SOX6: variants seen among roughly 807,000 people sequenced by gnomAD.
SOX6 encodes transcription factor SOX-6.
In SOX6, 11 loss-of-function variants were observed where a neutral mutation model predicts 97.8. That is an observed-to-expected ratio of 0.11 (90% CI 0.07 to 0.19). The LOEUF (loss-of-function observed/expected upper bound fraction) is 0.19, where lower values mean the gene tolerates loss of function less well. Ranked by LOEUF, SOX6 falls within the 10% of genes least tolerant of loss-of-function variation. The pLI, the probability that SOX6 is intolerant of heterozygous loss-of-function variation, is 1.00. For missense variants in SOX6, 810 were observed against 1,039.5 expected, an observed-to-expected ratio of 0.78 and a Z score of 3.04; for synonymous variants, 360 against 371.4, an observed-to-expected ratio of 0.97 and a Z score of 0.35.
intron 14 of SOX6, among the ~76,000 whole-genome samples, chr11:15,987,265 A>G (rs1404785443): frequency 7.9e-5 from 12 of 152,226 alleles, no homozygotes. Flanking sequence ...TTTTTCATAC[A>G]TAAACAAATG....
chr11:16,250,954 G>A (rs867734358), intron 3 of SOX6, among the ~76,000 whole-genome samples: 2 of 152,060 alleles, frequency 1.3e-5, no homozygotes, highest in Middle Eastern at 3.3e-3. Context: ...TAAAACCATA[G>A]AGTGTATGGC....
intron 6 of SOX6, among the ~76,000 whole-genome samples, chr11:16,138,875 T>A (rs1226022448): frequency 1.3e-5 from 2 of 152,194 alleles, no homozygotes; most frequent in Admixed American, 1.3e-4. Flanking sequence ...ACAAAGGACA[T>A]GAACTCATCA....
In SOX6 at chr11:16,349,674, GAGGAAGGAAGGA is replaced by G. The variant is rs1296857091; in HGVS notation, c.-5+6408_-5+6419del. Among the ~76,000 whole-genome samples the G allele has an allele frequency of 7.8e-3, 520 of 66,954 alleles. 12 individuals carry two copies. The East Asian group carries it at 0.1, about 13-fold the overall frequency. The allele number at this position is 66,954 out of a possible 152,430, so 43.9% of individuals were successfully genotyped here. On this transcript the variant is annotated intron_variant, in intron 1 of 15. Transcript: ENST00000683767. ...AACAGAAGAAAGAGAGGGAGGGAGGGAGGAAGGAAGGAAGGAAGGAAGGAAGGAAGGAAGGAA... is the reference window on the plus strand; with the variant it reads ...AACAGAAGAAAGAGAGGGAGGGAGGGAGGAAGGAAGGAAGGAAGGAAGGAA...
At chr11:16,720,124 A>G (rs958219896) in intron 2 of SOX6, among the ~76,000 whole-genome samples, 1 of 152,140 alleles carries the variant, frequency 6.6e-6, no homozygotes, top group African/African-American at 2.4e-5. Flanking sequence ...CCACTGTGGA[A>G]GTCAGTGTGG....
intron 9 of SOX6, among the ~76,000 whole-genome samples, chr11:16,080,317 T>C (rs1460877513): frequency 6.6e-6 from 1 of 151,626 alleles, no homozygotes; most frequent in Non-Finnish European, 1.5e-5. Flanking sequence ...TCTTACAAGT[T>C]TCTATGAGAG....
intron 1 of SOX6, chr11:16,402,811 T>C: frequency 3.8e-6 from 6 of 1,569,240 alleles, no homozygotes; most frequent in Non-Finnish European, 5.2e-6. Context: ...TTTCATGTCC[T>C]TGAAGCTCAC....
intron 1 of SOX6, among the ~76,000 whole-genome samples, chr11:16,400,020 G>A (rs1396408121): frequency 6.6e-6 from 1 of 151,378 alleles, no homozygotes; most frequent in Non-Finnish European, 1.5e-5. Context: ...TGAAACTGAA[G>A]AATGTCGAAT....
chr11:16,457,697 T>C (rs1213138822), intron 1 of SOX6, among the ~76,000 whole-genome samples: 1 of 152,040 alleles, frequency 6.6e-6, no homozygotes. Flanking sequence ...ATTTATGCTA[T>C]TTTCTATTAT....
chr11:16,220,231 C>G (rs939283693), intron 4 of SOX6, among the ~76,000 whole-genome samples: 6 of 151,846 alleles, frequency 4.0e-5, no homozygotes, highest in East Asian at 1.9e-4. Context: ...TAACAGGAAG[C>G]CCTCTAAGTT....
chr11:16,674,054 G>A (rs898323186), intron 3 of SOX6, among the ~76,000 whole-genome samples: 1 of 151,984 alleles, frequency 6.6e-6, no homozygotes, highest in African/African-American at 2.4e-5. Flanking sequence ...GCCGGGCCTG[G>A]TGGCGGGCGC....
intron 12 of SOX6, among the ~76,000 whole-genome samples, chr11:16,024,547 C>T (rs1428253864): frequency 6.6e-6 from 1 of 151,026 alleles, no homozygotes; most frequent in Non-Finnish European, 1.5e-5. Context: ...CAAAAGTTGT[C>T]CTTTAAAGGG....
At chr11:16,379,650 A>G (rs1468954207) in intron 1 of SOX6, among the ~76,000 whole-genome samples, 1 of 152,198 alleles carries the variant, frequency 6.6e-6, no homozygotes, top group Admixed American at 6.5e-5. Context: ...CACTGTTGAC[A>G]AGAGTAAACT....
chr11:16,447,644 C>A (rs1169537369), intron 1 of SOX6, among the ~76,000 whole-genome samples: 1 of 152,004 alleles, frequency 6.6e-6, no homozygotes, highest in Non-Finnish European at 1.5e-5. Context: ...TTTATTCAAA[C>A]AAGCAATAAA....
intron 2 of SOX6, among the ~76,000 whole-genome samples, chr11:16,730,579 G>C (rs983206349): frequency 2.0e-5 from 3 of 152,266 alleles, no homozygotes; most frequent in Non-Finnish European, 4.4e-5. Context: ...CAGAATCTCT[G>C]GGACATAGCT....
intron 4 of SOX6, among the ~76,000 whole-genome samples, chr11:16,485,415 C>A (rs1173318868): frequency 2.6e-5 from 4 of 151,916 alleles, no homozygotes; most frequent in African/African-American, 9.7e-5. Context: ...GTGAGACCCC[C>A]GTCTCTACAA....
intron 7 of SOX6, among the ~76,000 whole-genome samples, chr11:16,101,067 G>A (rs1848933689): frequency 6.6e-6 from 1 of 151,586 alleles, no homozygotes; most frequent in Admixed American, 6.6e-5. Flanking sequence ...ATGATAATAA[G>A]TTGCCAAACA....
chr11:16,361,929 T>C (rs866090214), intron 1 of SOX6, among the ~76,000 whole-genome samples: 7 of 152,246 alleles, frequency 4.6e-5, no homozygotes, highest in Non-Finnish European at 1.0e-4. Flanking sequence ...TTATTCATAA[T>C]TTATAATTTG....
At chr11:16,552,043 C>A (rs1265037483) in intron 4 of SOX6, among the ~76,000 whole-genome samples, 2 of 152,070 alleles carry the variant, frequency 1.3e-5, no homozygotes, top group Non-Finnish European at 2.9e-5. Flanking sequence ...TAAGATACAT[C>A]TTCTATTTTC....
chr11:16,215,226 C>G (rs568206930), intron 4 of SOX6, among the ~76,000 whole-genome samples: 1 of 151,872 alleles, frequency 6.6e-6, no homozygotes, highest in Admixed American at 6.6e-5. Flanking sequence ...TCAGGAATAC[C>G]GGAAAATTAT....
Sources: allele counts gnomAD v4.1 joint callset (sites outside exome capture counted in the v4.1 genomes callset), GRCh38; gene constraint gnomAD v4.1.1; transcripts MANE v1.5; gene names NCBI Gene and HGNC (gene_info 2026-07-23, HGNC 2026-07-21).